The following EWSR1 variants were observed in gnomAD, a reference collection of about 807,000 sequenced individuals.
The protein encoded by EWSR1 is RNA-binding protein EWS.
Under a neutral mutation model 92.1 loss-of-function variants are expected in EWSR1, and 14 were observed. The observed-to-expected ratio is 0.15, with a 90% confidence interval of 0.10 to 0.24. The LOEUF (loss-of-function observed/expected upper bound fraction) is 0.24, where lower values mean the gene tolerates loss of function less well. EWSR1 is among the 10% of genes least tolerant of loss of function. EWSR1 has a pLI of 1.00. For missense variants in EWSR1, 637 were observed against 870.9 expected (o/e 0.73, Z 3.38); for synonymous variants, 303 against 292.9 (o/e 1.03, Z -0.35).
At chr22:29,286,212 C>T (rs1389455150) in intron 6 of EWSR1, among the ~76,000 whole-genome samples, 1 of 151,248 alleles carries the variant, frequency 6.6e-6, no homozygotes, top group Non-Finnish European at 1.5e-5. Flanking sequence ...AGTACAGTAG[C>T]GGATCTCAGC....
intron 4 of EWSR1, chr22:29,274,375 C>A: frequency 6.9e-7 from 1 of 1,441,634 alleles, no homozygotes; most frequent in South Asian, 1.1e-5. Flanking sequence ...ATTTGTTGAA[C>A]CCCCAAACTT....
intron 1 of EWSR1, among the ~76,000 whole-genome samples, 169 bp from the exon 2 acceptor site, chr22:29,272,047 T>G (rs1343439450): frequency 6.6e-6 from 1 of 152,192 alleles, no homozygotes; most frequent in African/African-American, 2.4e-5. Context: ...GGTTTAGACT[T>G]TTTTTTCTGT....
Position 29,298,765 on chromosome 22 carries a change from A to G in EWSR1, c.1450A>G (p.Met484Val), listed in dbSNP as rs143781060. The change falls in exon 14 of 17, where the codon ATG (methionine) becomes GTG (valine). Residue 484 changes from methionine to valine, a missense_variant. This residue lies in a region of EWSR1 where 363 missense variants were observed against 447.8 expected (regional missense o/e 0.81). Coordinates refer to ENST00000397938, the MANE Select transcript of EWSR1 (RefSeq NM_005243.4). ...AGGCCCAGGAGGTCCTGGGGGACCC[A>G]TGGGTCGCATGGGAGGCCGTGGAGG... Reference protein sequence around the residue: ...PGGPGGPGGPMGRMGGRGGDR... With the variant: ...PGGPGGPGGPVGRMGGRGGDR... 187 of 1,613,572 alleles carry G rather than the reference A, an allele frequency of 1.2e-4. No individual in the cohort carries two copies. The highest frequency in any genetic ancestry group is 1.5e-4 in the Non-Finnish European group (179 of 1,179,908).
intron 8 of EWSR1, chr22:29,291,354 C>T: frequency 8.2e-6 from 4 of 488,430 alleles, no homozygotes. Flanking sequence ...ACCAACCACA[C>T]TGGTGTGTAC....
intron 5 of EWSR1, among the ~76,000 whole-genome samples, chr22:29,281,719 T>TA (rs1397832064): frequency 6.6e-6 from 1 of 151,826 alleles, no homozygotes; most frequent in East Asian, 1.9e-4. Context: ...TAGCTGGGAC[T>TA]ACAGGCGCCC....
At chr22:29,289,846 T>C (rs956071550) in intron 8 of EWSR1, 5 of 231,368 alleles carry the variant, frequency 2.2e-5, no homozygotes, top group Non-Finnish European at 4.3e-5. Context: ...GTGAAATCTT[T>C]ATTGGAAGAA....
At chr22:29,280,162 G>A (rs1042396721) in intron 5 of EWSR1, among the ~76,000 whole-genome samples, 1 of 152,016 alleles carries the variant, frequency 6.6e-6, no homozygotes, top group Non-Finnish European at 1.5e-5. Context: ...CCACCACCCA[G>A]GTTCAAGCAA....
rs377199824 is a variant in EWSR1 at position 29,278,063 on chromosome 22, G to C, written c.260G>C (p.Ser87Thr). Reference protein sequence around the residue: ...YTTPTAPQAYSQPVQGYGTGA... With the variant: ...YTTPTAPQAYTQPVQGYGTGA... ...ACTCCAACTGCCCCCCAGGCATACA[G>C]CCAGCCTGTCCAGGGGTATGGCACT... is the stretch of plus-strand genomic sequence containing the variant. The change falls in exon 5 of 17, where the codon AGC becomes ACC. Residue 87 changes from serine (S) to threonine (T), a missense_variant. Physicochemically the swap from Ser to Thr is moderately conservative, Grantham distance 58. Transcript: ENST00000397938. The C allele has an allele frequency of 6.2e-7, 1 of 1,613,978 alleles. No individual in the cohort carries two copies. The highest frequency in any genetic ancestry group is 2.2e-5 in the East Asian group (1 of 44,882).
At chr22:29,290,308 A>G (rs1293323668) in intron 8 of EWSR1, 33 of 1,136,004 alleles carry the variant, frequency 2.9e-5, no homozygotes, top group South Asian at 1.1e-4. Flanking sequence ...AAGGCACTCA[A>G]TGTTGTTAAC....
chr22:29,282,318 CAGG>C, intron 5 of EWSR1, 69 bp from the exon 6 acceptor site: 1 of 1,241,950 alleles, frequency 8.1e-7, no homozygotes, highest in Admixed American at 3.0e-5. Flanking sequence ...CATTCTTACC[CAGG>C]AGTTTTGTGG....
chr22:29,299,884 C>G (rs932191137), intron 16 of EWSR1, 33 bp downstream of exon 16: 2 of 1,530,874 alleles, frequency 1.3e-6, no homozygotes, highest in Non-Finnish European at 1.8e-6. Context: ...TGTGGGCCGC[C>G]AGGCACAGTA....
intron 6 of EWSR1, among the ~76,000 whole-genome samples, chr22:29,284,166 C>T (rs896172929): frequency 6.6e-6 from 1 of 151,276 alleles, no homozygotes; most frequent in African/African-American, 2.5e-5. Context: ...TACAGGGTTT[C>T]ACAATGTTGG....
At chr22:29,274,197 A>T in intron 4 of EWSR1, 1 of 1,553,186 alleles carries the variant, frequency 6.4e-7, no homozygotes, top group Admixed American at 1.7e-5. Context: ...TTAAAAATCA[A>T]ACTGGTTTTC....
intron 11 of EWSR1, among the ~76,000 whole-genome samples, chr22:29,295,356 C>T (rs184323385): frequency 6.2e-4 from 94 of 152,226 alleles, no homozygotes; most frequent in Middle Eastern, 3.4e-3. Flanking sequence ...CAGTGGCTCA[C>T]ATGTGTAATC....
intron 6 of EWSR1, among the ~76,000 whole-genome samples, chr22:29,286,709 AAAAT>A (rs1339464491): frequency 1.1e-4 from 17 of 148,740 alleles, no homozygotes; most frequent in African/African-American, 3.8e-4. Context: ...AAAAAAAAAA[AAAAT>A]TTTTTTGTTT....
intron 7 of EWSR1, 109 bp downstream of exon 7, chr22:29,287,243 T>C (rs2060113931): frequency 2.7e-6 from 3 of 1,116,926 alleles, no homozygotes; most frequent in Non-Finnish European, 3.9e-6. Context: ...AGTTTCACTC[T>C]TGGGGCTGAG....
In EWSR1 at chr22:29,299,127, A is replaced by G. The variant is rs1602600084; in HGVS notation, c.1581-107A>G. On this transcript the variant is annotated intron_variant, in intron 14 of 16. Transcript: ENST00000397938. ...AGGCTGTGCCCTAAAGCATGGGTGTACATAGATCCTCTTGATAGTGAGTGT... is the reference window on the plus strand; with the variant it reads ...AGGCTGTGCCCTAAAGCATGGGTGTGCATAGATCCTCTTGATAGTGAGTGT... 3.1e-6 allele frequency: 5 copies of G among 1,595,514 alleles called. No individual in the cohort carries two copies. In the East Asian group the frequency reaches 6.7e-5, roughly 21 times the overall value.
At chr22:29,296,402 T>C (rs754974054) in intron 12 of EWSR1, 34 bp downstream of exon 12, 8 of 1,611,348 alleles carry the variant, frequency 5.0e-6, no homozygotes, top group Non-Finnish European at 6.8e-6. Flanking sequence ...TTAATCTCCC[T>C]GGCTATAGAA....
At chr22:29,277,773 C>T in intron 4 of EWSR1, 1 of 439,526 alleles carries the variant, frequency 2.3e-6, no homozygotes, top group Non-Finnish European at 4.1e-6. Context: ...ACCCTGTTTT[C>T]TGTAGCATGA....
Sources: allele counts gnomAD v4.1 joint callset (sites outside exome capture counted in the v4.1 genomes callset), GRCh38; gene constraint gnomAD v4.1.1; regional missense constraint gnomAD v4.1.1; transcripts MANE v1.5; gene names NCBI Gene and HGNC (gene_info 2026-07-23, HGNC 2026-07-21).